ROBO2: variants seen among roughly 807,000 people sequenced by gnomAD.
The protein encoded by ROBO2 is roundabout homolog 2.
A neutral mutation model predicts 160.8 loss-of-function variants in ROBO2; 53 were observed. The ratio of observed to expected loss-of-function variants is 0.33; its 90% confidence interval spans 0.26 to 0.41. ROBO2 has a LOEUF of 0.41. Among genes scored for constraint, ROBO2 ranks in the 10% least tolerant of loss-of-function variants. ROBO2 has a pLI of 1.00. For synonymous variants in ROBO2, 664 were observed against 611.7 expected (o/e 1.09, Z -1.26); for missense variants, 1,577 against 1,722.4 (o/e 0.92, Z 1.49).
chr3:76,098,382 T>C (rs1014234008), intron 2 of ROBO2, among the ~76,000 whole-genome samples: 1 of 152,154 alleles, frequency 6.6e-6, no homozygotes, highest in Admixed American at 6.5e-5. Context: ...AGATTTTACA[T>C]ATTGTAAATT....
At chr3:77,115,764 G>A (rs2074134798) in intron 2 of ROBO2, among the ~76,000 whole-genome samples, 2 of 152,128 alleles carry the variant, frequency 1.3e-5, no homozygotes, top group African/African-American at 4.8e-5. Context: ...AGCAAATTTA[G>A]AATACTTTTG....
chr3:76,484,431 T>A (rs1253415595), intron 2 of ROBO2, among the ~76,000 whole-genome samples: 1 of 152,200 alleles, frequency 6.6e-6, no homozygotes, highest in East Asian at 1.9e-4. Flanking sequence ...GGGGCAGGAA[T>A]GCTCATCCCT....
At chr3:76,628,175 A>G (rs1047082905) in intron 2 of ROBO2, among the ~76,000 whole-genome samples, 1 of 152,118 alleles carries the variant, frequency 6.6e-6, no homozygotes, top group East Asian at 1.9e-4. Context: ...TTTATTCACT[A>G]GAGATATCTT....
chr3:76,224,850 C>T (rs184180039), intron 2 of ROBO2, among the ~76,000 whole-genome samples: 161 of 152,210 alleles, frequency 1.1e-3, no homozygotes, highest in East Asian at 3.9e-3. Flanking sequence ...AGCTTAAACA[C>T]GAGGTCTATA....
At chr3:77,135,124 C>A (rs1383404209) in intron 2 of ROBO2, among the ~76,000 whole-genome samples, 1 of 152,178 alleles carries the variant, frequency 6.6e-6, no homozygotes, top group Admixed American at 6.5e-5. Flanking sequence ...AGCAATTACA[C>A]CTCCTGACAA....
intron 2 of ROBO2, among the ~76,000 whole-genome samples, chr3:76,151,951 G>T (rs142748871): frequency 6.6e-6 from 1 of 152,054 alleles, no homozygotes; most frequent in Non-Finnish European, 1.5e-5. Context: ...ATTATCAAAC[G>T]TCTCACTAGA....
intron 2 of ROBO2, among the ~76,000 whole-genome samples, chr3:77,379,269 T>A (rs182900696): frequency 2.0e-5 from 3 of 152,270 alleles, no homozygotes; most frequent in Admixed American, 2.0e-4. Flanking sequence ...TTTACATAAC[T>A]TAGTTAAGGT....
intron 1 of ROBO2, among the ~76,000 whole-genome samples, chr3:77,052,035 A>G (rs1335508272): frequency 6.6e-6 from 1 of 152,216 alleles, no homozygotes; most frequent in Non-Finnish European, 1.5e-5. Flanking sequence ...TCTGCTTTGT[A>G]TGACCCCAGA....
intron 2 of ROBO2, among the ~76,000 whole-genome samples, chr3:76,192,482 G>T (rs942027316): frequency 2.0e-5 from 3 of 146,468 alleles, no homozygotes; most frequent in Non-Finnish European, 4.5e-5. Context: ...CAGAAGAAAT[G>T]AAATCTTCAG....
intron 2 of ROBO2, among the ~76,000 whole-genome samples, chr3:76,503,908 C>T (rs1051514366): frequency 2.9e-4 from 44 of 152,108 alleles, no homozygotes; most frequent in African/African-American, 9.4e-4. Flanking sequence ...ATTCACTGAA[C>T]GTGTCTGGTT....
chr3:76,193,619 T>G (rs1358005712), intron 2 of ROBO2, among the ~76,000 whole-genome samples: 1 of 152,228 alleles, frequency 6.6e-6, no homozygotes, highest in East Asian at 1.9e-4. Context: ...CATTTAGTCT[T>G]GTTGGCATAT....
At chr3:77,363,163 T>C (rs1027629927) in intron 2 of ROBO2, among the ~76,000 whole-genome samples, 1 of 152,142 alleles carries the variant, frequency 6.6e-6, no homozygotes, top group African/African-American at 2.4e-5. Context: ...AAAGGAAGTC[T>C]AACCAGATCA....
At chr3:75,959,944 G>A (rs540470370) in intron 2 of ROBO2, among the ~76,000 whole-genome samples, 6 of 151,888 alleles carry the variant, frequency 4.0e-5, no homozygotes, top group South Asian at 2.1e-4. Context: ...CAGGACTCAC[G>A]TGTTTGTATG....
chr3:76,861,438 G>A (rs2070769781), intron 2 of ROBO2, among the ~76,000 whole-genome samples: 1 of 152,052 alleles, frequency 6.6e-6, no homozygotes, highest in African/African-American at 2.4e-5. Flanking sequence ...TATTTTTGCT[G>A]CTGCAACCAC....
chr3:77,183,173 C>T (rs1360822797), intron 2 of ROBO2, among the ~76,000 whole-genome samples: 1 of 152,044 alleles, frequency 6.6e-6, no homozygotes, highest in Non-Finnish European at 1.5e-5. Context: ...TTGTTCTAGC[C>T]TCCAAAGCTG....
At chr3:76,945,869 A>G (rs1372076055) in intron 2 of ROBO2, among the ~76,000 whole-genome samples, 1 of 152,102 alleles carries the variant, frequency 6.6e-6, no homozygotes, top group Non-Finnish European at 1.5e-5. Flanking sequence ...GACTGCTTTA[A>G]TATCTTCATA....
In ROBO2 at chr3:76,705,182, T is replaced by C. The variant is rs75706424; in HGVS notation, c.110-392832T>C. 3.0e-3 allele frequency among the ~76,000 whole-genome samples: 453 copies of C among 152,246 alleles called. 1 individual carries two copies. The highest frequency in any genetic ancestry group is 0.012 in the East Asian group (61 of 5,170). On this transcript the variant is annotated intron_variant, in intron 2 of 26. Coordinates refer to the ROBO2 transcript ENST00000487694. ...TCTGATCTCACTCATTATCTCTGTGTATGTTGTACTTTTAGCTCTGTGATA... is the reference window on the plus strand; with the variant it reads ...TCTGATCTCACTCATTATCTCTGTGCATGTTGTACTTTTAGCTCTGTGATA...
At chr3:76,003,665 G>T (rs2065947559) in intron 2 of ROBO2, among the ~76,000 whole-genome samples, 1 of 152,174 alleles carries the variant, frequency 6.6e-6, no homozygotes, top group South Asian at 2.1e-4. Flanking sequence ...ATTCCCAGAT[G>T]GGGCAGCCCA....
chr3:76,787,427 G>C (rs1297222073), intron 2 of ROBO2, among the ~76,000 whole-genome samples: 1 of 150,428 alleles, frequency 6.6e-6, no homozygotes, highest in African/African-American at 2.4e-5. Flanking sequence ...ATGGGTCATA[G>C]TTGTTCCTAC....
Sources: gnomAD v4.1 joint callset for allele counts (sites outside exome capture counted in the v4.1 genomes callset) on GRCh38, gnomAD v4.1.1 for gene constraint, MANE v1.5 for transcripts, NCBI Gene and HGNC (gene_info 2026-07-23, HGNC 2026-07-21) for gene names.